MYO1G: variants seen among roughly 807,000 people sequenced by gnomAD.
MYO1G encodes unconventional myosin-Ig.
MYO1G carries 65 observed loss-of-function variants against 115.3 expected under a neutral mutation model. The ratio of observed to expected loss-of-function variants is 0.56; its 90% CI spans 0.46 to 0.69. The LOEUF is 0.69. Among genes scored for constraint, MYO1G ranks in the 30% least tolerant of loss-of-function variants. MYO1G has a pLI of 0.00. For synonymous variants in MYO1G, 510 were observed against 552.6 expected, an observed-to-expected ratio of 0.92 and a Z score of 1.08; for missense variants, 1,204 against 1,393.5, an observed-to-expected ratio of 0.86 and a Z score of 2.16.
Position 44,970,151 on chromosome 7 carries a change from G to A in MYO1G, c.1221C>T (p.Phe407=), listed in dbSNP as rs1228190738. 26 of 1,609,978 alleles carry A rather than the reference G, an allele frequency of 1.6e-5. No individual in the cohort carries two copies. In the East Asian group the frequency reaches 3.1e-4, roughly 19 times the overall value. Residue 407 remains phenylalanine, a synonymous_variant, in exon 10 of 22, where the codon TTC becomes TTT. Coordinates refer to ENST00000258787, the MANE Select transcript of MYO1G (RefSeq NM_033054.3). ...YGFEVFPVNS[F]EQFCINYCNE... ...TGCAGTAGTTGATGCAGAACTGCTC[G>A]AAACTGGGGGTGGGGTGGGCCTTTC...
At chr7:44,975,133 C>A in intron 5 of MYO1G, 41 bp downstream of exon 5, 1 of 1,606,602 alleles carries the variant, frequency 6.2e-7, no homozygotes, top group Non-Finnish European at 8.5e-7. Context: ...CCTCCCTTTC[C>A]CCACCCCATT....
chr7:44,964,248 TC>T lies in MYO1G; in HGVS notation c.2632-87del. The T allele has an allele frequency of 7.4e-7, 1 of 1,347,420 alleles. No individual in the cohort carries two copies. Among genetic ancestry groups the T allele is most frequent in the African/African-American group, 1.4e-5 (1 of 69,118 alleles). The allele number at this position is 1,347,420 out of a possible 1,614,324, so 83.5% of individuals were successfully genotyped here. A position where few individuals can be genotyped will look rare whatever the true frequency, so the allele number is the denominator to read the frequency against. ...CTTCGGCAGTCCCTACTGCCTCCCC[TC>T]CCCGCTGGCGACAGTTTTGGGAGTG... On this transcript the variant is annotated intron_variant, in intron 19 of 21. Coordinates refer to ENST00000258787, the MANE Select transcript of MYO1G (RefSeq NM_033054.3). The surrounding 1 kb of genome is among the most constrained non-coding windows in gnomAD (Gnocchi z 5.1).
At chr7:44,976,777 A>C in intron 2 of MYO1G, 86 bp downstream of exon 2, 2 of 1,573,374 alleles carry the variant, frequency 1.3e-6, no homozygotes, top group Non-Finnish European at 1.7e-6. Context: ...ATCAGGACAC[A>C]GGGCACAGGA....
rs769322008 is a variant in MYO1G, at chr7:44,969,515, A to G, written c.1504-32T>C. On this transcript the variant is annotated intron_variant, in intron 11 of 21. Coordinates refer to ENST00000258787, the MANE Select transcript of MYO1G (RefSeq NM_033054.3). This position sits in a 1 kb window ranked among gnomAD's most constrained non-coding sequence, Gnocchi z 5.0. ...GGACAGGCTGAGGTCAAGGCACAAAAGGTATGTGGAGGGTCTGTATGAAGG... is the reference window on the plus strand; with the variant it reads ...GGACAGGCTGAGGTCAAGGCACAAAGGGTATGTGGAGGGTCTGTATGAAGG... The G allele has an allele frequency of 1.1e-5, 17 of 1,610,832 alleles. No individual in the cohort carries two copies. In the South Asian group the frequency reaches 1.8e-4, roughly 17 times the overall value.
rs1794903786 is a variant in MYO1G at position 44,969,029 on chromosome 7, G to A, written c.1574+384C>T. On this transcript the variant is annotated intron_variant, in intron 12 of 21. Coordinates refer to ENST00000258787, the MANE Select transcript of MYO1G (RefSeq NM_033054.3). The surrounding 1 kb of genome is among the most constrained non-coding windows in gnomAD (Gnocchi z 5.0). Reference sequence around the variant, plus strand: ...GGGAGCGTGGTCCAAGTATGGTAGCGAGGCCTCACCTGGGAGCTTGTTAGA... The same window carrying A: ...GGGAGCGTGGTCCAAGTATGGTAGCAAGGCCTCACCTGGGAGCTTGTTAGA... The A allele has an allele frequency of 1.3e-5, 3 of 228,198 alleles. No individual in the cohort carries two copies. The highest frequency in any genetic ancestry group is 6.4e-5 in the South Asian group (1 of 15,644). 14.1% of individuals were successfully genotyped at this position (228,198 alleles called of 1,614,324 possible). A position where few individuals can be genotyped will look rare whatever the true frequency, so the allele number is the denominator to read the frequency against.
intron 1 of MYO1G, among the ~76,000 whole-genome samples, chr7:44,978,262 A>G (rs751684949): frequency 2.6e-5 from 4 of 151,996 alleles, no homozygotes; most frequent in Non-Finnish European, 5.9e-5. Flanking sequence ...CCTGCCCTCC[A>G]CCTGCCCTCC....
chr7:44,970,185 G>T (rs1405785933), intron 9 of MYO1G, 31 bp from the exon 10 acceptor site: 1 of 1,471,658 alleles, frequency 6.8e-7, no homozygotes, highest in Non-Finnish European at 9.5e-7. Flanking sequence ...TCAGAGGGGA[G>T]GTCGCTGCTT....
At position 44,972,201 on chromosome 7, in the gene MYO1G, G is replaced by C; in HGVS notation, c.643C>G (p.Gln215Glu). The C allele has an allele frequency of 6.2e-7, 1 of 1,613,994 alleles. No homozygotes were observed. Among genetic ancestry groups the C allele is most frequent in the Non-Finnish European group, 8.5e-7 (1 of 1,179,948 alleles). The change falls in exon 6 of 22, where the codon CAG becomes GAG. Residue 215 changes from glutamine (Q) to glutamate (E), a missense_variant. Coordinates refer to ENST00000258787, the MANE Select transcript of MYO1G (RefSeq NM_033054.3). ...YQLLRGSEDK[Q>E]LHELHLERNP... ...CTCTCCAAGTGCAGTTCATGCAGCT[G>C]CTTGTCCTCACTGCCTCTCAGCAAC...
At chr7:44,975,314 G>T in intron 4 of MYO1G, 87 bp from the exon 5 acceptor site, 1 of 1,537,470 alleles carries the variant, frequency 6.5e-7, no homozygotes, top group Non-Finnish European at 9.0e-7. Context: ...TGCAAGGCAG[G>T]CTGGGGGTCA....
In MYO1G at chr7:44,966,127, T is replaced by G. The variant is rs773005925; in HGVS notation, c.2103A>C (p.Thr701=). 2 of 1,613,020 alleles carry G rather than the reference T, an allele frequency of 1.2e-6. No individual in the cohort carries two copies. Among genetic ancestry groups the G allele is most frequent in the Non-Finnish European group, 1.7e-6 (2 of 1,179,968 alleles). ...TGAGGCGGGCTCGGCTCTGCTCCAG[T>G]GTGACCAGTGTCCGGGGTGAGCGGA... ...LFIRSPRTLV[T]LEQSRARLIP... The change falls in exon 16 of 22, where the codon ACA becomes ACC. Residue 701 remains threonine (T), a synonymous_variant. Coordinates refer to ENST00000258787, the MANE Select transcript of MYO1G (RefSeq NM_033054.3). The surrounding 1 kb of genome is among the most constrained non-coding windows in gnomAD (Gnocchi z 5.0).
chr7:44,975,068 G>C (rs1184440203), intron 5 of MYO1G, 106 bp downstream of exon 5: 9 of 1,199,232 alleles, frequency 7.5e-6, no homozygotes, highest in Non-Finnish European at 1.1e-5. Flanking sequence ...TGAGTGGGCA[G>C]AGAGGGGGAA....
chr7:44,971,159 C>T lies in MYO1G; in HGVS notation c.847-100G>A, dbSNP rs147311739. The stretch of plus-strand genomic sequence containing the variant: ...GGAAGGAAAGCAGGGGACATGGATG[C>T]GGTAGAGTACAGCTCCTTCTCAGAC... On this transcript the variant is annotated intron_variant, in intron 7 of 21. Transcript: ENST00000258787. 155 of 1,014,708 alleles carry T rather than the reference C, an allele frequency of 1.5e-4. No individual in the cohort carries two copies. The African/African-American group carries it at 1.6e-3, about 11-fold the overall frequency. 62.9% of individuals were successfully genotyped at this position (1,014,708 alleles called of 1,614,324 possible).
Position 44,967,467 on chromosome 7 carries a change from A to C in MYO1G, c.1782+138T>G, listed in dbSNP as rs928890069. ...AGTGGGTGGGGTCCACTGCTGGAGC[A>C]GATGTGGCTCATACAGACAGGACAA... is the stretch of plus-strand genomic sequence containing the variant. On this transcript the variant is annotated intron_variant, in intron 14 of 21. Coordinates refer to ENST00000258787, the MANE Select transcript of MYO1G (RefSeq NM_033054.3). 6.9e-6 allele frequency: 8 copies of C among 1,153,422 alleles called. No individual in the cohort carries two copies. In the African/African-American group the frequency reaches 1.2e-4, roughly 18 times the overall value. The allele number at this position is 1,153,422 out of a possible 1,614,324, so 71.4% of individuals were successfully genotyped here.
Position 44,972,154 on chromosome 7 carries a change from G to A in MYO1G, c.690C>T (p.Phe230=). 1 of 1,614,130 alleles carries A rather than the reference G, an allele frequency of 6.2e-7. No individual in the cohort carries two copies. The highest frequency in any genetic ancestry group is 8.5e-7 in the Non-Finnish European group (1 of 1,180,012). The change falls in exon 6 of 22, where the codon TTC becomes TTT. Residue 230 remains phenylalanine (F), a synonymous_variant. Coordinates refer to ENST00000258787, the MANE Select transcript of MYO1G (RefSeq NM_033054.3). The part of the protein sequence containing the change: ...HLERNPAVYN[F]THQGAGLNMT... ...TGTTGAGTCCTGCTCCCTGGTGTGT[G>A]AAATTGTATACAGCAGGGTTTCTCT...
intron 12 of MYO1G, 71 bp from the exon 13 acceptor site, chr7:44,968,029 A>T (rs750466202): frequency 1.2e-5 from 16 of 1,285,462 alleles, no homozygotes; most frequent in Non-Finnish European, 1.7e-5. Context: ...TGACCCCAGC[A>T]GCCCCCACTC....
chr7:44,977,061 C>T lies in MYO1G; in HGVS notation c.106G>A (p.Gly36Ser), dbSNP rs756945855. 1.2e-6 allele frequency: 2 copies of T among 1,612,158 alleles called. No homozygotes were observed. The highest frequency in any genetic ancestry group is 1.1e-5 in the South Asian group (1 of 91,022). The change falls in exon 2 of 22, where the codon GGC (glycine) becomes AGC (serine). Residue 36 changes from glycine (G) to serine (S), a missense_variant. Transcript: ENST00000258787. Reference protein sequence around the residue: ...MRNLQLRFEKGRIYTYIGEVL... With the variant: ...MRNLQLRFEKSRIYTYIGEVL... ...TCACCGATGTAGGTGTAGATGCGGC[C>T]CTTCTCGAACCTGGACACAGCAGGG... is the stretch of plus-strand genomic sequence containing the variant.
intron 5 of MYO1G, chr7:44,972,529 G>C: frequency 7.9e-6 from 3 of 381,026 alleles, no homozygotes; most frequent in South Asian, 6.8e-5. Context: ...GACCCAGGGG[G>C]ATCCCACCTC....
In MYO1G at chr7:44,966,789, C is replaced by T. The variant is rs879939174; in HGVS notation, c.1832G>A (p.Gly611Glu). The T allele has an allele frequency of 3.1e-6, 5 of 1,613,496 alleles. No homozygotes were observed. Among genetic ancestry groups the T allele is most frequent in the Non-Finnish European group, 4.2e-6 (5 of 1,179,956 alleles). The change falls in exon 15 of 22, where the codon GGG becomes GAG. Residue 611 changes from glycine (G) to glutamate (E), a missense_variant. Transcript: ENST00000258787. The surrounding 1 kb of genome is among the most constrained non-coding windows in gnomAD (Gnocchi z 5.0). ...CIKPNEDKVA[G>E]KLDENHCRHQ... ...GCGACAGTGGTTCTCATCCAGCTTC[C>T]CAGCTACCTTGTCCTCATTGGGCTT...
chr7:44,978,561 G>A lies in MYO1G; in HGVS notation c.95+306C>T, dbSNP rs959812762. 2.4e-4 allele frequency among the ~76,000 whole-genome samples: 36 copies of A among 152,226 alleles called. 1 individual carries two copies. The highest frequency in any genetic ancestry group is 2.1e-3 in the Admixed American group (32 of 15,290). On this transcript the variant is annotated intron_variant, in intron 1 of 21. Coordinates refer to ENST00000258787, the MANE Select transcript of MYO1G (RefSeq NM_033054.3). Reference sequence around the variant, plus strand: ...CCAAGAAGTGTCATGCCCTGGCCCCGTCGGGCAGGAAAGAAGGGGCAGAAG... The same window carrying A: ...CCAAGAAGTGTCATGCCCTGGCCCCATCGGGCAGGAAAGAAGGGGCAGAAG...
Sources: allele counts gnomAD v4.1 joint callset (sites outside exome capture counted in the v4.1 genomes callset), GRCh38; gene constraint gnomAD v4.1.1; non-coding constraint Gnocchi (gnomAD v3.1); transcripts MANE v1.5; gene names NCBI Gene and HGNC (gene_info 2026-07-23, HGNC 2026-07-21).